Variants in RIT2 observed in about 807,000 individuals in gnomAD.
RIT2 encodes GTP-binding protein Rit2.
In RIT2, 24 loss-of-function variants were observed where a neutral mutation model predicts 23.7. That is an observed-to-expected ratio of 1.01 (90% CI 0.73 to 1.43). The LOEUF (loss-of-function observed/expected upper bound fraction) is 1.43, where lower values mean the gene tolerates loss of function less well. Among genes scored for constraint, RIT2 ranks in the 40% most tolerant of loss-of-function variants. The pLI, the probability that RIT2 is intolerant of heterozygous loss-of-function variation, is 0.00. For synonymous variants in RIT2, 107 were observed against 91.1 expected (o/e 1.17, Z -0.99); for missense variants, 236 against 266.9 (o/e 0.88, Z 0.81).
chr18:43,010,591 C>G (rs999801258), intron 2 of RIT2, among the ~76,000 whole-genome samples: 13 of 151,794 alleles, frequency 8.6e-5, no homozygotes, highest in African/African-American at 3.1e-4. Flanking sequence ...ATAATAGTTG[C>G]TTTTTAAAAC....
chr18:42,901,700 G>T (rs898261240), intron 4 of RIT2, among the ~76,000 whole-genome samples: 2 of 151,966 alleles, frequency 1.3e-5, no homozygotes, highest in South Asian at 2.1e-4. Context: ...AAACCATGCT[G>T]TTTTGCTAAA....
intron 3 of RIT2, among the ~76,000 whole-genome samples, chr18:42,936,061 TAG>T (rs1415193946): frequency 1.3e-5 from 2 of 151,728 alleles, no homozygotes; most frequent in East Asian, 1.9e-4. Context: ...TACTGGGGCT[TAG>T]AGAGATAGGG....
chr18:42,813,871 G>T (rs1221617703), intron 4 of RIT2, among the ~76,000 whole-genome samples: 1 of 152,186 alleles, frequency 6.6e-6, no homozygotes, highest in Non-Finnish European at 1.5e-5. Context: ...CTGCAGGACT[G>T]GAAAGACACC....
chr18:43,103,489 G>T lies in RIT2; in HGVS notation c.103+11928C>A, dbSNP rs559224002. On this transcript the variant is annotated intron_variant, in intron 1 of 4. Transcript: ENST00000326695. The stretch of plus-strand genomic sequence containing the variant: ...TAAGACCACAAGCCAGATGCTCAAA[G>T]AAACTGTGTAACTGTAAATAGTTAT... Among the ~76,000 whole-genome samples the T allele has an allele frequency of 3.3e-5, 5 of 152,256 alleles. No homozygotes were observed. The South Asian group carries it at 1.0e-3, about 32-fold the overall frequency.
intron 4 of RIT2, among the ~76,000 whole-genome samples, chr18:42,774,888 G>T (rs1344583764): frequency 6.6e-6 from 1 of 151,888 alleles, no homozygotes; most frequent in Non-Finnish European, 1.5e-5. Flanking sequence ...TGTTCTTCTA[G>T]TGACACTTTA....
chr18:42,994,177 C>T (rs1018858343), intron 2 of RIT2, among the ~76,000 whole-genome samples: 5 of 152,132 alleles, frequency 3.3e-5, no homozygotes, highest in South Asian at 2.1e-4. Flanking sequence ...AGCCTCTCTT[C>T]GCTTTCACTT....
intron 1 of RIT2, among the ~76,000 whole-genome samples, chr18:43,107,101 C>T (rs1032492015): frequency 3.9e-5 from 6 of 152,166 alleles, no homozygotes; most frequent in Admixed American, 1.3e-4. Context: ...CAGAAATAAT[C>T]GGTCATAGGC....
intron 2 of RIT2, among the ~76,000 whole-genome samples, chr18:43,013,241 T>C (rs1911392342): frequency 6.6e-6 from 1 of 151,908 alleles, no homozygotes; most frequent in Non-Finnish European, 1.5e-5. Flanking sequence ...TGTTTAAAAA[T>C]TGTTATAGTA....
At chr18:42,870,743 C>T (rs571576795) in intron 4 of RIT2, among the ~76,000 whole-genome samples, 22 of 151,932 alleles carry the variant, frequency 1.4e-4, no homozygotes, top group African/African-American at 5.1e-4. Context: ...TAAAGTTGGG[C>T]AATATGGCAG....
intron 2 of RIT2, among the ~76,000 whole-genome samples, chr18:42,995,119 C>T (rs992191718): frequency 5.3e-5 from 8 of 152,162 alleles, no homozygotes; most frequent in African/African-American, 1.9e-4. Context: ...GGCCTAATCA[C>T]CACACACCAG....
chr18:42,745,423 C>T (rs1033252217), intron 4 of RIT2, among the ~76,000 whole-genome samples: 1 of 152,124 alleles, frequency 6.6e-6, no homozygotes, highest in African/African-American at 2.4e-5. Context: ...TCTATCAAGT[C>T]TATCTGATCC....
intron 1 of RIT2, among the ~76,000 whole-genome samples, chr18:43,099,524 C>T (rs578209509): frequency 4.6e-5 from 7 of 151,914 alleles, no homozygotes; most frequent in Non-Finnish European, 1.0e-4. Flanking sequence ...TTATCAAATA[C>T]CTATATACAG....
At chr18:42,754,515 C>T (rs1463362480) in intron 4 of RIT2, among the ~76,000 whole-genome samples, 4 of 152,120 alleles carry the variant, frequency 2.6e-5, no homozygotes, top group Non-Finnish European at 2.9e-5. Flanking sequence ...TTTCTTCTCT[C>T]TCACTTCTTC....
chr18:43,034,296 A>G (rs890549560), intron 1 of RIT2, among the ~76,000 whole-genome samples: 3 of 152,144 alleles, frequency 2.0e-5, no homozygotes, highest in Admixed American at 2.0e-4. Flanking sequence ...TACCCTCTGA[A>G]GTTCTTACGA....
chr18:43,057,798 C>CTTTTTTTTTTTTTT (rs11393575), intron 1 of RIT2, among the ~76,000 whole-genome samples: 1,314 of 122,332 alleles, frequency 0.011, 82 homozygotes, highest in African/African-American at 0.028. Context: ...GTGATGGACA[C>CTTTTTTTTTTTTTT]TTTTTTTTTT....
intron 2 of RIT2, among the ~76,000 whole-genome samples, chr18:42,991,097 C>T (rs372307715): frequency 8.6e-5 from 13 of 151,906 alleles, no homozygotes; most frequent in South Asian, 2.1e-4. Context: ...TTTAGTAAAA[C>T]GCAGGAAAAT....
At chr18:42,840,207 T>G (rs1156303149) in intron 4 of RIT2, among the ~76,000 whole-genome samples, 4 of 152,186 alleles carry the variant, frequency 2.6e-5, no homozygotes, top group African/African-American at 9.6e-5. Flanking sequence ...AAAATACAAG[T>G]GATGGTAGCT....
chr18:43,085,025 G>A (rs903076181), intron 1 of RIT2, among the ~76,000 whole-genome samples: 1 of 152,102 alleles, frequency 6.6e-6, no homozygotes, highest in Non-Finnish European at 1.5e-5. Context: ...GGATGAGGGG[G>A]AGGTAGGAAA....
At chr18:42,986,175 G>T (rs1176001254) in intron 2 of RIT2, among the ~76,000 whole-genome samples, 1 of 151,584 alleles carries the variant, frequency 6.6e-6, no homozygotes, top group Admixed American at 6.6e-5. Context: ...GAGTCACTGA[G>T]ATTACAGGCA....
Sources: allele counts gnomAD v4.1 joint callset (sites outside exome capture counted in the v4.1 genomes callset), GRCh38; gene constraint gnomAD v4.1.1; transcripts MANE v1.5; gene names NCBI Gene and HGNC (gene_info 2026-07-23, HGNC 2026-07-21).